Variants in GPAM observed in about 807,000 individuals in gnomAD.
The protein encoded by GPAM is glycerol-3-phosphate acyltransferase, mitochondrial, also known as glycerol-3-phosphate acyltransferase 1, mitochondrial.
A neutral mutation model predicts 105.0 loss-of-function variants in GPAM; 56 were observed. The ratio of observed to expected loss-of-function variants is 0.53; its 90% CI spans 0.43 to 0.67. The LOEUF (loss-of-function observed/expected upper bound fraction) is 0.67. GPAM is among the 30% of genes least tolerant of loss of function. GPAM has a pLI of 0.00. For synonymous variants in GPAM, 368 were observed against 354.4 expected (o/e 1.04, Z -0.43); for missense variants, 855 against 989.8 (o/e 0.86, Z 1.83).
intron 21 of GPAM, 58 bp downstream of exon 21, chr10:112,154,571 A>G (rs1415661038): frequency 1.1e-5 from 13 of 1,212,106 alleles, no homozygotes; most frequent in Non-Finnish European, 1.5e-5. Context: ...CAAACAGACT[A>G]GATCTAAAGA....
At chr10:112,165,687 C>T (rs1044312663) in intron 12 of GPAM, among the ~76,000 whole-genome samples, 6 of 151,778 alleles carry the variant, frequency 4.0e-5, no homozygotes, top group Admixed American at 1.3e-4. Flanking sequence ...CATGAAACTC[C>T]GTCTCAAAAA....
chr10:112,224,778 T>A, the GPAM span, among the ~76,000 whole-genome samples: 1 of 152,232 alleles, frequency 6.6e-6, no homozygotes, highest in African/African-American at 2.4e-5. Context: ...GAATATTAAA[T>A]AGATGAATCT....
chr10:112,203,728 T>C (rs1847826672), intron 1 of GPAM, among the ~76,000 whole-genome samples: 1 of 152,232 alleles, frequency 6.6e-6, no homozygotes, highest in South Asian at 2.1e-4. Context: ...CACTCTGTTA[T>C]TTAATTCTCA....
At chr10:112,186,914 T>C (rs1025763114), upstream of GPAM, among the ~76,000 whole-genome samples, 6 of 152,292 alleles carry the variant, frequency 3.9e-5, no homozygotes, top group Middle Eastern at 3.4e-3. Context: ...GTGGGGTTTA[T>C]AACATGTACA....
intron 18 of GPAM, 140 bp downstream of exon 18, chr10:112,158,176 C>A: frequency 1.4e-6 from 1 of 733,528 alleles, no homozygotes; most frequent in South Asian, 1.5e-5. Flanking sequence ...GGTGATCCAC[C>A]CGCCTTCACC....
chr10:112,190,926 G>A (rs1847650988), intron 1 of GPAM, among the ~76,000 whole-genome samples: 1 of 152,056 alleles, frequency 6.6e-6, no homozygotes, highest in African/African-American at 2.4e-5. Flanking sequence ...TTGCTCCCAA[G>A]CTAAAATATT....
chr10:112,170,025 A>T (rs1183885750), intron 9 of GPAM, among the ~76,000 whole-genome samples: 1 of 152,216 alleles, frequency 6.6e-6, no homozygotes, highest in East Asian at 1.9e-4. Context: ...CATTATGATG[A>T]GTTGTATAAT....
intron 16 of GPAM, 63 bp downstream of exon 16, chr10:112,160,541 A>G (rs1395932557): frequency 1.4e-6 from 2 of 1,448,100 alleles, no homozygotes; most frequent in Non-Finnish European, 9.7e-7. Flanking sequence ...AGATACCACT[A>G]TGTGTTTTAG....
At chr10:112,225,134 C>G in the GPAM span, among the ~76,000 whole-genome samples, 1 of 152,104 alleles carries the variant, frequency 6.6e-6, no homozygotes, top group Non-Finnish European at 1.5e-5. Context: ...TGGATGGCAC[C>G]CCAACCTGGA....
At chr10:112,208,527 G>A (rs1396132094) in intron 1 of GPAM, among the ~76,000 whole-genome samples, 3 of 152,120 alleles carry the variant, frequency 2.0e-5, no homozygotes, top group Admixed American at 2.0e-4. Flanking sequence ...GTGTCTTGGG[G>A]AAGTGAATGG....
At chr10:112,167,999 C>T (rs1005325437) in intron 11 of GPAM, among the ~76,000 whole-genome samples, 14 of 152,184 alleles carry the variant, frequency 9.2e-5, no homozygotes, top group African/African-American at 3.4e-4. Context: ...CCGCAGATAA[C>T]CTTCCACAGC....
At chr10:112,184,653 G>C (rs1171650618), upstream of GPAM, among the ~76,000 whole-genome samples, 5 of 152,186 alleles carry the variant, frequency 3.3e-5, no homozygotes, top group African/African-American at 1.2e-4. Context: ...AGTGGTCCTT[G>C]AGGAGGGAAA....
chr10:112,170,679 C>T (rs752183392), intron 9 of GPAM, among the ~76,000 whole-genome samples: 11 of 152,136 alleles, frequency 7.2e-5, no homozygotes, highest in Non-Finnish European at 1.6e-4. Flanking sequence ...GGAGAGAGGT[C>T]CCCTGGAGAG....
chr10:112,214,423 A>G (rs1847946591), intron 1 of GPAM: 1 of 152,202 alleles, frequency 6.6e-6, no homozygotes, highest in Non-Finnish European at 1.5e-5. Context: ...AACCTAACAG[A>G]GAGAATGAAG....
chr10:112,172,424 C>G (rs1210904378), intron 8 of GPAM, 106 bp from the exon 9 acceptor site: 7 of 816,172 alleles, frequency 8.6e-6, no homozygotes, highest in Non-Finnish European at 1.5e-5. Context: ...TAATCAGTGA[C>G]TCACTCTTTA....
chr10:112,224,370 A>C, the GPAM span, among the ~76,000 whole-genome samples: 1 of 152,196 alleles, frequency 6.6e-6, no homozygotes, highest in African/African-American at 2.4e-5. Context: ...GTAGGGATGC[A>C]TTCTTTTAGT....
intron 1 of GPAM, among the ~76,000 whole-genome samples, chr10:112,190,776 T>G (rs534960271): frequency 3.3e-5 from 5 of 152,278 alleles, no homozygotes; most frequent in African/African-American, 1.2e-4. Flanking sequence ...GAAATCATAC[T>G]TCAGAACTGA....
At position 112,153,301 on chromosome 10, in the gene GPAM, TAGTCTACGGATTATG is replaced by T; in HGVS notation, c.*234_*248del. On this transcript the variant is annotated 3_prime_UTR_variant, in exon 22 of 22. Transcript: ENST00000348367. The stretch of plus-strand genomic sequence containing the variant: ...AATAATTTATTGAGATTTCATCTTG[TAGTCTACGGATTATG>T]AGTTGCGAATAGAGGCTGAGGTCCC... 12 of 1,345,420 alleles carry T rather than the reference TAGTCTACGGATTATG, an allele frequency of 8.9e-6. No individual in the cohort carries two copies. Among genetic ancestry groups the T allele is most frequent in the Non-Finnish European group, 1.1e-5 (12 of 1,045,262 alleles). The allele number at this position is 1,345,420 out of a possible 1,614,324, so 83.3% of individuals were successfully genotyped here. A position where few individuals can be genotyped will look rare whatever the true frequency, so the allele number is the denominator to read the frequency against.
At chr10:112,224,172 A>G in the GPAM span, among the ~76,000 whole-genome samples, 2 of 152,218 alleles carry the variant, frequency 1.3e-5, no homozygotes, top group Non-Finnish European at 2.9e-5. Context: ...TGAATATAAA[A>G]GTGTTTTGAA....
Sources: allele counts gnomAD v4.1 joint callset (sites outside exome capture counted in the v4.1 genomes callset), GRCh38; gene constraint gnomAD v4.1.1; transcripts MANE v1.5; gene names NCBI Gene and HGNC (gene_info 2026-07-23, HGNC 2026-07-21).